Variants in TMEM170B observed in about 807,000 individuals in gnomAD.
The protein encoded by TMEM170B is transmembrane protein 170B.
TMEM170B carries 6 observed loss-of-function variants against 13.0 expected under a neutral mutation model. The observed-to-expected ratio is 0.46, with a 90% CI of 0.25 to 0.91. TMEM170B has a LOEUF of 0.91. Among genes scored for constraint, TMEM170B ranks in the 40% least tolerant of loss-of-function variants. The probability of loss-of-function intolerance (pLI) is 0.17; values close to 1 mark genes in which losing one functional copy is unlikely to be tolerated. For missense variants in TMEM170B, 138 were observed against 165.2 expected, an observed-to-expected ratio of 0.84 and a Z score of 0.90; for synonymous variants, 61 against 64.9, an observed-to-expected ratio of 0.94 and a Z score of 0.29.
chr6:11,538,655 A>ACGCG (rs752742108), intron 1 of TMEM170B, among the ~76,000 whole-genome samples: 4 of 152,096 alleles, frequency 2.6e-5, no homozygotes, highest in African/African-American at 4.8e-5. Context: ...CCTCTGTAGT[A>ACGCG]CGCGCGGAGT....
At chr6:11,563,989 A>G (rs760675805) in intron 1 of TMEM170B, among the ~76,000 whole-genome samples, 6 of 152,154 alleles carry the variant, frequency 3.9e-5, no homozygotes, top group Non-Finnish European at 7.4e-5. Flanking sequence ...CAACAAAATC[A>G]TATGGTATTC....
chr6:11,573,388 A>C (rs1449568561), intron 2 of TMEM170B, among the ~76,000 whole-genome samples: 3 of 152,140 alleles, frequency 2.0e-5, no homozygotes, highest in Non-Finnish European at 4.4e-5. Context: ...AATTATCTTT[A>C]TCCTTTACTA....
At chr6:11,561,426 T>C (rs1196498263) in intron 1 of TMEM170B, among the ~76,000 whole-genome samples, 9 of 152,182 alleles carry the variant, frequency 5.9e-5, no homozygotes, top group African/African-American at 2.2e-4. Flanking sequence ...TACTAGGTGT[T>C]CTTCCTAGGA....
chr6:11,560,029 C>A (rs995654517), intron 1 of TMEM170B, among the ~76,000 whole-genome samples: 9 of 151,740 alleles, frequency 5.9e-5, no homozygotes, highest in African/African-American at 2.2e-4. Context: ...TAAATAAATA[C>A]CTCTTATGTA....
intron 1 of TMEM170B, among the ~76,000 whole-genome samples, chr6:11,563,479 G>T (rs575590031): frequency 2.6e-5 from 4 of 152,044 alleles, no homozygotes; most frequent in African/African-American, 7.2e-5. Flanking sequence ...ATCCAGTCCC[G>T]CAGGTTAAAG....
chr6:11,581,490 G>A lies in TMEM170B; in HGVS notation c.*5929G>A, dbSNP rs1010156143. ...CTGCACCCACATGTATCTACTCTTG[G>A]TAGTAACATGACTCCACCCTTTTTG... On this transcript the variant is annotated 3_prime_UTR_variant, in exon 3 of 3. Transcript: ENST00000379426. 6.6e-6 allele frequency: 1 copy of A among 152,176 alleles called. No homozygotes were observed. Among genetic ancestry groups the A allele is most frequent in the Non-Finnish European group, 1.5e-5 (1 of 68,036 alleles). 9.4% of individuals were successfully genotyped at this position (152,176 alleles called of 1,614,324 possible).
intron 1 of TMEM170B, among the ~76,000 whole-genome samples, chr6:11,547,092 G>A (rs1392754164): frequency 6.6e-6 from 1 of 152,146 alleles, no homozygotes; most frequent in African/African-American, 2.4e-5. Context: ...GCAGATAAAC[G>A]AAGAGTATTG....
At chr6:11,569,488 G>T (rs1199626228) in intron 2 of TMEM170B, among the ~76,000 whole-genome samples, 1 of 152,196 alleles carries the variant, frequency 6.6e-6, no homozygotes, top group Admixed American at 6.5e-5. Flanking sequence ...TTTGTAAAGG[G>T]CCAAGTAATA....
intron 1 of TMEM170B, among the ~76,000 whole-genome samples, chr6:11,555,475 T>C (rs1759575739): frequency 6.6e-6 from 1 of 152,212 alleles, no homozygotes; most frequent in Admixed American, 6.5e-5. Context: ...ATGACTTTTA[T>C]TATTTTTGAA....
At chr6:11,559,812 G>A (rs1411580447) in intron 1 of TMEM170B, among the ~76,000 whole-genome samples, 1 of 151,992 alleles carries the variant, frequency 6.6e-6, no homozygotes, top group Admixed American at 6.5e-5. Flanking sequence ...TATAAAGAAG[G>A]TGATGGTATA....
intron 1 of TMEM170B, among the ~76,000 whole-genome samples, chr6:11,554,992 C>A (rs1162101321): frequency 6.6e-6 from 1 of 151,996 alleles, no homozygotes; most frequent in Non-Finnish European, 1.5e-5. Context: ...TTGATTATTT[C>A]TTGGTGTAAA....
chr6:11,542,833 CA>C (rs1323279595), intron 1 of TMEM170B, among the ~76,000 whole-genome samples: 1 of 152,174 alleles, frequency 6.6e-6, no homozygotes, highest in Non-Finnish European at 1.5e-5. Flanking sequence ...AAACATCTGT[CA>C]TTTGTTGAAT....
rs1454894946 is a variant in TMEM170B, at chr6:11,575,600, G to A, written c.*39G>A. 4 of 1,607,186 alleles carry A rather than the reference G, an allele frequency of 2.5e-6. No homozygotes were observed. Among genetic ancestry groups the A allele is most frequent in the Non-Finnish European group, 3.4e-6 (4 of 1,175,522 alleles). ...ATGTCTTACTTCACATAAGGAAACA[G>A]ATGTACAGATTCCCTGAAAACGGCA... On this transcript the variant is annotated 3_prime_UTR_variant, in exon 3 of 3. Transcript: ENST00000379426. The surrounding 1 kb of genome is among the most constrained non-coding windows in gnomAD (Gnocchi z 4.1).
intron 1 of TMEM170B, among the ~76,000 whole-genome samples, chr6:11,551,634 G>A (rs528304961): frequency 1.9e-3 from 293 of 152,234 alleles, no homozygotes; most frequent in Admixed American, 5.3e-3. Context: ...CAGTCTCTGT[G>A]GTAAACACTG....
intron 1 of TMEM170B, among the ~76,000 whole-genome samples, chr6:11,548,744 T>C (rs1490223502): frequency 1.3e-5 from 2 of 152,022 alleles, no homozygotes; most frequent in African/African-American, 4.8e-5. Context: ...TATGCAGCCA[T>C]AAAAAAGGAT....
At chr6:11,551,301 CCAT>C (rs1230855725) in intron 1 of TMEM170B, among the ~76,000 whole-genome samples, 1 of 152,172 alleles carries the variant, frequency 6.6e-6, no homozygotes, top group Non-Finnish European at 1.5e-5. Context: ...AAGTGATATA[CCAT>C]CATGTCTGCT....
chr6:11,544,066 G>T (rs1301855243), intron 1 of TMEM170B, among the ~76,000 whole-genome samples: 1 of 152,226 alleles, frequency 6.6e-6, no homozygotes, highest in East Asian at 1.9e-4. Flanking sequence ...GCTGAGATCA[G>T]TTATTTAATG....
intron 1 of TMEM170B, among the ~76,000 whole-genome samples, chr6:11,550,904 CT>C (rs1319168313): frequency 6.6e-6 from 1 of 152,148 alleles, no homozygotes; most frequent in Non-Finnish European, 1.5e-5. Flanking sequence ...TTTCAAGAAG[CT>C]TATATTCTTG....
chr6:11,544,315 T>A (rs773200306), intron 1 of TMEM170B, among the ~76,000 whole-genome samples: 4 of 152,204 alleles, frequency 2.6e-5, no homozygotes, highest in Non-Finnish European at 5.9e-5. Context: ...AGGTTAAGGA[T>A]GCTGAGTCAG....
Sources: allele counts gnomAD v4.1 joint callset (sites outside exome capture counted in the v4.1 genomes callset), GRCh38; gene constraint gnomAD v4.1.1; non-coding constraint Gnocchi (gnomAD v3.1); transcripts MANE v1.5; gene names NCBI Gene and HGNC (gene_info 2026-07-23, HGNC 2026-07-21).